The following ADAM32 variants were observed in gnomAD, a reference collection of about 807,000 sequenced individuals.
ADAM32 encodes ADAM metallopeptidase domain 32.
A neutral mutation model predicts 114.9 loss-of-function variants in ADAM32; 89 were observed. That is an observed-to-expected ratio of 0.77 (90% CI 0.65 to 0.92). The LOEUF (loss-of-function observed/expected upper bound fraction) is 0.92, where lower values mean the gene tolerates loss of function less well. Among genes scored for constraint, ADAM32 ranks in the 40% least tolerant of loss-of-function variants. The pLI, the probability that ADAM32 is intolerant of heterozygous loss-of-function variation, is 0.00. For missense variants in ADAM32, 870 were observed against 932.8 expected (o/e 0.93, Z 0.88); for synonymous variants, 285 against 307.5 (o/e 0.93, Z 0.77).
intron 6 of ADAM32, among the ~76,000 whole-genome samples, chr8:39,159,964 C>G (rs888913774): frequency 1.3e-5 from 2 of 152,146 alleles, no homozygotes; most frequent in Non-Finnish European, 2.9e-5. Flanking sequence ...TTTTTTCCCC[C>G]CTCAAGCATT....
intron 2 of ADAM32, 21 bp downstream of exon 2, chr8:39,118,186 A>T: frequency 1.5e-6 from 2 of 1,315,862 alleles, no homozygotes; most frequent in Non-Finnish European, 1.0e-6. Context: ...TTTTTTCACA[A>T]TCTAAATGTT....
chr8:39,181,144 A>G (rs938683723), intron 10 of ADAM32, among the ~76,000 whole-genome samples: 2 of 152,208 alleles, frequency 1.3e-5, no homozygotes, highest in African/African-American at 4.8e-5. Flanking sequence ...GTCCTTTTCC[A>G]CACTGTGGAA....
chr8:39,161,146 T>C (rs1055008180), intron 7 of ADAM32, among the ~76,000 whole-genome samples, 181 bp downstream of exon 7: 1 of 152,256 alleles, frequency 6.6e-6, no homozygotes, highest in Non-Finnish European at 1.5e-5. Flanking sequence ...TTATCAGAAA[T>C]GTTTTATTTG....
At chr8:39,143,641 G>A (rs1803319113) in intron 3 of ADAM32, among the ~76,000 whole-genome samples, 2 of 152,154 alleles carry the variant, frequency 1.3e-5, no homozygotes, top group Non-Finnish European at 2.9e-5. Context: ...ACTGGGAGGT[G>A]TTTCCCAGTC....
chr8:39,151,556 G>C lies in ADAM32; in HGVS notation c.525+8G>C. 2.6e-6 allele frequency: 4 copies of C among 1,512,012 alleles called. No homozygotes were observed. The highest frequency in any genetic ancestry group is 3.5e-6 in the Non-Finnish European group (4 of 1,132,166). The allele number at this position is 1,512,012 out of a possible 1,614,324, so 93.7% of individuals were successfully genotyped here. A position where few individuals can be genotyped will look rare whatever the true frequency, so the allele number is the denominator to read the frequency against. On this transcript the variant is annotated splice_region_variant and intron_variant, in intron 6 of 24. Coordinates refer to ENST00000379907, the MANE Select transcript of ADAM32 (RefSeq NM_145004.7). Reference sequence around the variant, plus strand: ...ATTTTTATAAGTGAAAAAGTGAGTTGTATATGTTTTATTACTACTTTTAAA... The same window carrying C: ...ATTTTTATAAGTGAAAAAGTGAGTTCTATATGTTTTATTACTACTTTTAAA...
In ADAM32 at chr8:39,175,490, T is replaced by C. The variant is rs1222520159; in HGVS notation, c.915+5493T>C. Among the ~76,000 whole-genome samples, 9 of 152,318 alleles carry C rather than the reference T, an allele frequency of 5.9e-5. No homozygotes were observed. In the South Asian group the frequency reaches 1.5e-3, roughly 25 times the overall value. On this transcript the variant is annotated intron_variant, in intron 10 of 24. Coordinates refer to ENST00000379907, the MANE Select transcript of ADAM32 (RefSeq NM_145004.7). ...GTGATGAATCACATTTATTGATTTG[T>C]GTGTGTTGAACCAACCTTGCATCCT...
At chr8:39,265,487 A>G (rs562620560) in intron 19 of ADAM32, among the ~76,000 whole-genome samples, 56 of 152,248 alleles carry the variant, frequency 3.7e-4, no homozygotes, top group African/African-American at 1.3e-3. Flanking sequence ...CATTTATCCC[A>G]TTTACATTCA....
chr8:39,113,985 C>A (rs1033248311), intron 1 of ADAM32, among the ~76,000 whole-genome samples: 64 of 133,168 alleles, frequency 4.8e-4, no homozygotes, highest in African/African-American at 1.8e-3. Context: ...CAAATCAACA[C>A]ATTGGAATCT....
At chr8:39,140,887 G>C (rs896929299) in intron 3 of ADAM32, among the ~76,000 whole-genome samples, 2 of 152,106 alleles carry the variant, frequency 1.3e-5, no homozygotes, top group Admixed American at 6.5e-5. Flanking sequence ...TTGGGCGGGT[G>C]CACGTGTCCA....
At chr8:39,202,676 T>G (rs907847446) in intron 11 of ADAM32, among the ~76,000 whole-genome samples, 2 of 152,212 alleles carry the variant, frequency 1.3e-5, no homozygotes, top group African/African-American at 2.4e-5. Flanking sequence ...TCTGCTAGCT[T>G]TTGAATGTGT....
intron 11 of ADAM32, among the ~76,000 whole-genome samples, chr8:39,208,580 T>G (rs1808003994): frequency 6.6e-6 from 1 of 152,180 alleles, no homozygotes; most frequent in South Asian, 2.1e-4. Flanking sequence ...TCTTATGGTT[T>G]GGTGGTGATG....
chr8:39,249,859 A>G (rs545877339), intron 17 of ADAM32, among the ~76,000 whole-genome samples: 1 of 151,848 alleles, frequency 6.6e-6, no homozygotes, highest in African/African-American at 2.4e-5. Context: ...TTTCATTTCC[A>G]TTTTTGCAAG....
At chr8:39,224,536 G>C (rs1585582075) in intron 14 of ADAM32, among the ~76,000 whole-genome samples, 1 of 152,008 alleles carries the variant, frequency 6.6e-6, no homozygotes, top group African/African-American at 2.4e-5. Flanking sequence ...TATATGTCTT[G>C]ATGAGTTGTA....
At chr8:39,122,653 T>C (rs1801845576) in intron 2 of ADAM32, among the ~76,000 whole-genome samples, 1 of 152,240 alleles carries the variant, frequency 6.6e-6, no homozygotes, top group African/African-American at 2.4e-5. Flanking sequence ...CTTGGCTCAC[T>C]GCAACCTCTG....
At chr8:39,234,385 T>C (rs1809964646) in intron 16 of ADAM32, among the ~76,000 whole-genome samples, 1 of 151,880 alleles carries the variant, frequency 6.6e-6, no homozygotes, top group South Asian at 2.1e-4. Context: ...CATGGGAACT[T>C]GCTTTTCTTC....
At chr8:39,113,713 T>G (rs936743219) in intron 1 of ADAM32, among the ~76,000 whole-genome samples, 1 of 152,170 alleles carries the variant, frequency 6.6e-6, no homozygotes, top group Non-Finnish European at 1.5e-5. Context: ...TTGCTACTTC[T>G]TGCTCACTAA....
intron 1 of ADAM32, 48 bp downstream of exon 1, chr8:39,107,881 C>G: frequency 2.0e-6 from 3 of 1,480,534 alleles, no homozygotes; most frequent in African/African-American, 1.4e-5. Context: ...CGTCACACTG[C>G]GGCCCGACTC....
At chr8:39,261,642 A>G (rs768026682) in intron 19 of ADAM32, among the ~76,000 whole-genome samples, 3 of 152,190 alleles carry the variant, frequency 2.0e-5, no homozygotes, top group Admixed American at 6.6e-5. Context: ...GCTGTTCTCC[A>G]TAGTGGCTAT....
chr8:39,157,101 T>C (rs191405241), intron 6 of ADAM32, among the ~76,000 whole-genome samples: 6 of 152,296 alleles, frequency 3.9e-5, no homozygotes, highest in Admixed American at 3.9e-4. Context: ...TCCAGCACTT[T>C]AAATGTCATC....
Sources: allele counts gnomAD v4.1 joint callset (sites outside exome capture counted in the v4.1 genomes callset), GRCh38; gene constraint gnomAD v4.1.1; transcripts MANE v1.5; gene names NCBI Gene and HGNC (gene_info 2026-07-23, HGNC 2026-07-21).